The following DAB1 variants were observed in gnomAD, a reference collection of about 807,000 sequenced individuals.
DAB1 encodes disabled homolog 1.
A neutral mutation model predicts 64.6 loss-of-function variants in DAB1; 15 were observed. That is an observed-to-expected ratio of 0.23 (90% CI 0.16 to 0.36). The LOEUF (loss-of-function observed/expected upper bound fraction) is 0.36. DAB1 is among the 10% of genes least tolerant of loss of function. The pLI is 1.00. For missense variants in DAB1, 596 were observed against 706.7 expected (o/e 0.84, Z 1.78); for synonymous variants, 235 against 251.9 (o/e 0.93, Z 0.64).
At chr1:58,463,297 G>C (rs75085356) in intron 3 of DAB1, among the ~76,000 whole-genome samples, 2 of 152,146 alleles carry the variant, frequency 1.3e-5, no homozygotes, top group African/African-American at 4.8e-5. Flanking sequence ...ACAGGTCGTC[G>C]TATGAGTGCC....
rs563295677 is a variant in DAB1 at position 57,017,350 on chromosome 1, T to C, written c.896-1919A>G. ...GAAAAAAAGAGGAATGGATGCAGAG[T>C]ATCCTAGCAACTTCCAAAGGGACAA... On this transcript the variant is annotated intron_variant, in intron 11 of 14. Coordinates refer to ENST00000371236, the MANE Select transcript of DAB1 (RefSeq NM_001365792.1). 2.4e-4 allele frequency among the ~76,000 whole-genome samples: 37 copies of C among 152,114 alleles called. 1 individual carries two copies. The South Asian group carries it at 7.7e-3, about 32-fold the overall frequency.
intron 7 of DAB1, among the ~76,000 whole-genome samples, chr1:57,643,504 TTTAG>T (rs1443897262): frequency 6.6e-6 from 1 of 152,206 alleles, no homozygotes; most frequent in Admixed American, 6.5e-5. Flanking sequence ...CAAGAGAATG[TTTAG>T]TTATTCTTTC....
At chr1:58,458,244 C>A (rs111326909) in intron 3 of DAB1, among the ~76,000 whole-genome samples, 1 of 152,134 alleles carries the variant, frequency 6.6e-6, no homozygotes, top group African/African-American at 2.4e-5. Flanking sequence ...CATATCAGAC[C>A]GACAGAACAG....
intron 3 of DAB1, among the ~76,000 whole-genome samples, chr1:58,499,313 A>C (rs1645858261): frequency 8.7e-6 from 1 of 114,850 alleles, no homozygotes; most frequent in African/African-American, 3.9e-5. Flanking sequence ...CCACATCTCT[A>C]CAAAAAAAAA....
chr1:57,481,036 C>A (rs1644012605), intron 7 of DAB1, among the ~76,000 whole-genome samples: 1 of 152,168 alleles, frequency 6.6e-6, no homozygotes, highest in African/African-American at 2.4e-5. Flanking sequence ...TTATGACTGA[C>A]AAAGTTGAGT....
intron 2 of DAB1, among the ~76,000 whole-genome samples, chr1:57,184,185 A>T (rs1663283321): frequency 6.6e-6 from 1 of 152,190 alleles, no homozygotes; most frequent in South Asian, 2.1e-4. Context: ...CTTGGTACTA[A>T]AGAAGCTAGT....
chr1:58,088,615 A>G (rs1356470001), intron 5 of DAB1, among the ~76,000 whole-genome samples: 1 of 152,226 alleles, frequency 6.6e-6, no homozygotes, highest in African/African-American at 2.4e-5. Context: ...TCTACTAGGT[A>G]TGAAGGGAAA....
intron 6 of DAB1, among the ~76,000 whole-genome samples, chr1:57,663,107 T>C (rs1646406071): frequency 6.6e-6 from 1 of 152,126 alleles, no homozygotes; most frequent in South Asian, 2.1e-4. Context: ...GAAGCATGGT[T>C]AGGGAAGCTT....
At chr1:57,785,950 G>A (rs2101851213) in intron 6 of DAB1, among the ~76,000 whole-genome samples, 1 of 152,196 alleles carries the variant, frequency 6.6e-6, no homozygotes, top group Non-Finnish European at 1.5e-5. Context: ...GTCAATTGAT[G>A]CAGCAAACTT....
At position 57,011,160 on chromosome 1, in the gene DAB1, G is replaced by T. The variant is rs145981487; in HGVS notation, c.1557C>A (p.Ser519Arg). ...GGTCACTTACAGCTTCTTGCTCTTC[G>T]CTTTTGCTGGGACTTTCAAAGCCCT... ...FEEGFESPSK[S>R]EEQEAPDGSQ... is the part of the protein sequence containing the mutation. Residue 519 changes from serine (S) to arginine (R), a missense_variant, in exon 13 of 15, where the codon AGC becomes AGA. Ser to Arg is a moderately radical substitution (Grantham distance 110). Around this residue, in one of 3 missense-constraint regions of DAB1, gnomAD observed 377 missense variants for 400.4 expected, o/e 0.94. Coordinates refer to ENST00000371236, the MANE Select transcript of DAB1 (RefSeq NM_001365792.1). 2 of 1,613,960 alleles carry T rather than the reference G, an allele frequency of 1.2e-6. No homozygotes were observed. The highest frequency in any genetic ancestry group is 4.5e-5 in the East Asian group (2 of 44,864).
chr1:57,409,876 A>T (rs1434489589), intron 1 of DAB1, among the ~76,000 whole-genome samples: 1 of 152,194 alleles, frequency 6.6e-6, no homozygotes, highest in Non-Finnish European at 1.5e-5. Flanking sequence ...ACACATGTCA[A>T]ATACTTGCAT....
intron 6 of DAB1, among the ~76,000 whole-genome samples, chr1:57,738,136 T>A (rs1268726052): frequency 6.6e-6 from 1 of 152,248 alleles, no homozygotes; most frequent in East Asian, 1.9e-4. Flanking sequence ...GGCCCTATCC[T>A]ATTTTAGCTA....
At chr1:57,926,725 T>A (rs1644885340) in intron 5 of DAB1, among the ~76,000 whole-genome samples, 1 of 152,202 alleles carries the variant, frequency 6.6e-6, no homozygotes, top group Non-Finnish European at 1.5e-5. Context: ...GGCCTCTACT[T>A]ACAAAACCTT....
chr1:57,279,886 AC>A (rs1269515179), intron 2 of DAB1, among the ~76,000 whole-genome samples: 6 of 152,228 alleles, frequency 3.9e-5, no homozygotes, highest in Non-Finnish European at 8.8e-5. Context: ...TTCTTTTCTA[AC>A]TATACAACAT....
intron 2 of DAB1, among the ~76,000 whole-genome samples, chr1:57,171,711 G>A (rs769982795): frequency 9.9e-5 from 15 of 152,152 alleles, no homozygotes; most frequent in Non-Finnish European, 5.9e-5. Context: ...GTTCTCCGTA[G>A]AGGGTCAGAA....
chr1:58,170,955 T>C (rs1372489299), intron 4 of DAB1, among the ~76,000 whole-genome samples: 1 of 151,962 alleles, frequency 6.6e-6, no homozygotes, highest in Non-Finnish European at 1.5e-5. Context: ...TTCTCAGTGT[T>C]AATCTCCTGC....
chr1:58,210,207 CT>C (rs1266001464), intron 4 of DAB1, among the ~76,000 whole-genome samples: 2 of 152,184 alleles, frequency 1.3e-5, no homozygotes, highest in Non-Finnish European at 2.9e-5. Context: ...GGATCTGCAT[CT>C]GCTTGACTCC....
chr1:57,003,481 T>C (rs1054463343), intron 14 of DAB1, among the ~76,000 whole-genome samples: 1 of 151,804 alleles, frequency 6.6e-6, no homozygotes, highest in Non-Finnish European at 1.5e-5. Context: ...ACAGCAGAGC[T>C]GGGACATACT....
rs529857789 is a variant in DAB1 at position 58,116,814 on chromosome 1, T to C, written n.387+33697A>G. On this transcript the variant is annotated intron_variant and non_coding_transcript_variant, in intron 5 of 20. Transcript: ENST00000485760. ...ACAGCTGCAAGCAAGCATTAAAACATAAGCTTGCTAGCTGCCAGGGCAAAA... is the reference window on the plus strand; with the variant it reads ...ACAGCTGCAAGCAAGCATTAAAACACAAGCTTGCTAGCTGCCAGGGCAAAA... 8.5e-5 allele frequency among the ~76,000 whole-genome samples: 13 copies of C among 152,302 alleles called. No individual in the cohort carries two copies. In the South Asian group the frequency reaches 2.7e-3, roughly 32 times the overall value.
Sources: allele counts gnomAD v4.1 joint callset (sites outside exome capture counted in the v4.1 genomes callset), GRCh38; gene constraint gnomAD v4.1.1; regional missense constraint gnomAD v4.1.1; transcripts MANE v1.5; gene names NCBI Gene and HGNC (gene_info 2026-07-23, HGNC 2026-07-21).